The following GLP2R variants were observed in gnomAD, a reference collection of about 807,000 sequenced individuals.
GLP2R encodes the protein glucagon-like peptide 2 receptor.
In GLP2R, 59 loss-of-function variants were observed where a neutral mutation model predicts 68.2. That is an observed-to-expected ratio of 0.87 (90% CI 0.70 to 1.07). The LOEUF is 1.07. GLP2R is among the 50% of genes least tolerant of loss of function. GLP2R has a pLI of 0.00. For missense variants in GLP2R, 548 were observed against 677.4 expected (o/e 0.81, Z 2.12); for synonymous variants, 270 against 265.4 (o/e 1.02, Z -0.17).
intron 2 of GLP2R, among the ~76,000 whole-genome samples, chr17:9,835,999 A>C (rs1021627801): frequency 2.2e-4 from 32 of 144,678 alleles, no homozygotes; most frequent in African/African-American, 6.9e-4. Context: ...AGATCACGCC[A>C]TTGTACTCCA....
chr17:9,862,225 T>G (rs1435270477), intron 9 of GLP2R, 135 bp downstream of exon 9: 3 of 691,068 alleles, frequency 4.3e-6, no homozygotes, highest in Non-Finnish European at 7.8e-6. Context: ...CATTTTCTGC[T>G]GAATGAGAAG....
chr17:9,850,664 C>T (rs970579040), intron 4 of GLP2R, among the ~76,000 whole-genome samples: 12 of 151,024 alleles, frequency 7.9e-5, no homozygotes, highest in Non-Finnish European at 1.3e-4. Flanking sequence ...GTGCTAAGTG[C>T]TCCCTTACCC....
chr17:9,857,645 A>G, intron 6 of GLP2R, 69 bp downstream of exon 6: 1 of 1,500,010 alleles, frequency 6.7e-7, no homozygotes, highest in African/African-American at 1.4e-5. Context: ...ATCAGAAGGC[A>G]GGCAGGTGGG....
At chr17:9,842,059 C>T (rs1378420096) in intron 3 of GLP2R, among the ~76,000 whole-genome samples, 1 of 151,792 alleles carries the variant, frequency 6.6e-6, no homozygotes, top group Non-Finnish European at 1.5e-5. Context: ...GAGCTAGGCC[C>T]AGGACACACT....
chr17:9,826,129 C>T lies in GLP2R; in HGVS notation c.66C>T (p.His22=), dbSNP rs114989303. Residue 22 remains histidine, a synonymous_variant, in exon 1 of 13, where the codon CAC becomes CAT. Transcript: ENST00000262441. ...RGSAGLLPGV[H]ELPMGIPAPW... ...GCGCGGGACTCCTGCCTGGCGTCCA[C>T]GAGCTGCCCATGGGCATCCCTGCCC... 5.5e-5 allele frequency: 88 copies of T among 1,612,696 alleles called. 1 individual carries two copies. The African/African-American group carries it at 6.3e-4, about 11-fold the overall frequency.
chr17:9,877,808 C>T (rs62066052), intron 10 of GLP2R, among the ~76,000 whole-genome samples: 30,693 of 141,812 alleles, frequency 0.22, 4,117 homozygotes, highest in Non-Finnish European at 0.31. Context: ...ACCCGGAAGG[C>T]GGAGGTTGCA....
At chr17:9,885,692 T>A (rs8068227) in intron 11 of GLP2R, among the ~76,000 whole-genome samples, 9,120 of 151,728 alleles carry the variant, frequency 0.06, 915 homozygotes, top group African/African-American at 0.21. Context: ...CCCTCTTAAG[T>A]CATAGGCATA....
intron 8 of GLP2R, among the ~76,000 whole-genome samples, chr17:9,861,487 G>C (rs1343304207): frequency 6.6e-6 from 1 of 152,022 alleles, no homozygotes. Flanking sequence ...TGTTCATAGT[G>C]AGAAAAAAAA....
rs574843858 is a variant in GLP2R, at chr17:9,848,758, T to C, written c.505-5737T>C. ...AATTTTGCCCAAAAAAGGCCAGTGT[T>C]AGTAAATCTTTGCCCTTCAGAGTTT... On this transcript the variant is annotated intron_variant, in intron 4 of 12. Coordinates refer to ENST00000262441, the MANE Select transcript of GLP2R (RefSeq NM_004246.3). Among the ~76,000 whole-genome samples, 36 of 152,166 alleles carry C rather than the reference T, an allele frequency of 2.4e-4. No homozygotes were observed. In the South Asian group the frequency reaches 3.9e-3, roughly 17 times the overall value.
intron 4 of GLP2R, among the ~76,000 whole-genome samples, chr17:9,854,084 C>T (rs930109176): frequency 2.0e-5 from 3 of 152,214 alleles, no homozygotes; most frequent in African/African-American, 7.2e-5. Context: ...ACAAAGGAAA[C>T]ATTCAGACAG....
intron 1 of GLP2R, among the ~76,000 whole-genome samples, chr17:9,829,477 A>G (rs535060022): frequency 1.3e-5 from 2 of 152,224 alleles, no homozygotes; most frequent in Non-Finnish European, 2.9e-5. Flanking sequence ...TAATCACAGC[A>G]TCATTTACGT....
chr17:9,876,372 T>A (rs898055288), intron 10 of GLP2R, among the ~76,000 whole-genome samples: 1 of 152,184 alleles, frequency 6.6e-6, no homozygotes, highest in Non-Finnish European at 1.5e-5. Context: ...GGAGACTTCA[T>A]AAGGAAAGGA....
At chr17:9,887,485 C>A (rs1026453903) in intron 11 of GLP2R, among the ~76,000 whole-genome samples, 6 of 152,270 alleles carry the variant, frequency 3.9e-5, no homozygotes, top group Non-Finnish European at 8.8e-5. Context: ...CGAGGTTGAG[C>A]CACTGCACTC....
intron 4 of GLP2R, chr17:9,853,158 C>A: frequency 2.3e-6 from 1 of 435,734 alleles, no homozygotes; most frequent in South Asian, 2.5e-5. Flanking sequence ...TTTGCACCAG[C>A]CCTCAAACTG....
chr17:9,831,982 G>A (rs1165972363), intron 1 of GLP2R, among the ~76,000 whole-genome samples: 1 of 152,176 alleles, frequency 6.6e-6, no homozygotes, highest in Non-Finnish European at 1.5e-5. Context: ...GGCCTTGCAT[G>A]CCAGCCAGTT....
Position 9,825,973 on chromosome 17 carries a change from T to C in GLP2R, c.-91T>C, listed in dbSNP as rs2066622398. 3.8e-6 allele frequency: 4 copies of C among 1,043,904 alleles called. No individual in the cohort carries two copies. In the South Asian group the frequency reaches 4.3e-5, roughly 11 times the overall value. 64.7% of individuals were successfully genotyped at this position (1,043,904 alleles called of 1,614,324 possible). A position where few individuals can be genotyped will look rare whatever the true frequency, so the allele number is the denominator to read the frequency against. On this transcript the variant is annotated 5_prime_UTR_variant, in exon 1 of 13. Transcript: ENST00000262441. ...AGGATTTGTGCAAACATTTCCTCTG[T>C]GGACCAAGAGGAATGCAAGAGGAGG...
intron 9 of GLP2R, among the ~76,000 whole-genome samples, chr17:9,867,632 G>T (rs2067051418): frequency 6.6e-6 from 1 of 152,162 alleles, no homozygotes; most frequent in Non-Finnish European, 1.5e-5. Flanking sequence ...GTAAAGTCTT[G>T]ATTAGTCCTG....
In GLP2R at chr17:9,862,097, A is replaced by C; in HGVS notation, c.1056+7A>C. 1 of 1,603,358 alleles carries C rather than the reference A, an allele frequency of 6.2e-7. No homozygotes were observed. Among genetic ancestry groups the C allele is most frequent in the Non-Finnish European group, 8.5e-7 (1 of 1,170,314 alleles). The stretch of plus-strand genomic sequence containing the variant: ...CATGATGCTCTGTGTAACAGTAAGG[A>C]CCATCCCATCCACCTCTTTGTCTCG... On this transcript the variant is annotated splice_region_variant and intron_variant, in intron 9 of 12. Coordinates refer to ENST00000262441, the MANE Select transcript of GLP2R (RefSeq NM_004246.3).
intron 3 of GLP2R, among the ~76,000 whole-genome samples, chr17:9,840,938 G>C (rs1049758977): frequency 1.3e-5 from 2 of 152,102 alleles, no homozygotes; most frequent in African/African-American, 4.8e-5. Flanking sequence ...CAGATCTTAG[G>C]GGGCTTCGTG....
Sources: gnomAD v4.1 joint callset for allele counts (sites outside exome capture counted in the v4.1 genomes callset) on GRCh38, gnomAD v4.1.1 for gene constraint, MANE v1.5 for transcripts, NCBI Gene and HGNC (gene_info 2026-07-23, HGNC 2026-07-21) for gene names.